Variants in IL1RAPL2 observed in about 807,000 individuals in gnomAD.
IL1RAPL2 encodes the protein interleukin 1 receptor accessory protein like 2.
Under a neutral mutation model 44.1 loss-of-function variants are expected in IL1RAPL2, and 3 were observed. The observed-to-expected ratio is 0.07, with a 90% CI of 0.03 to 0.18. The LOEUF (loss-of-function observed/expected upper bound fraction) is 0.18. Among genes scored for constraint, IL1RAPL2 ranks in the 10% least tolerant of loss-of-function variants. The pLI is 1.00. For synonymous variants in IL1RAPL2, 181 were observed against 178.8 expected (o/e 1.01, Z -0.10); for missense variants, 391 against 496.4 (o/e 0.79, Z 2.02).
intron 5 of IL1RAPL2, chrX:105,405,769 A>T: frequency 9.6e-7 from 1 of 1,042,531 alleles, no homozygotes; most frequent in East Asian, 3.0e-5. Flanking sequence ...CATTCAAGAA[A>T]TATTTATCAA....
rs186820157 is a variant in IL1RAPL2, at chrX:105,073,622, C to T, written c.83-121853C>T. ...CTAGATCCCTGAGGAATCACCACAC[C>T]GACTTCCACAATGGTTGAACTAGTT... On this transcript the variant is annotated intron_variant, in intron 2 of 10. Coordinates refer to ENST00000372582, the MANE Select transcript of IL1RAPL2 (RefSeq NM_017416.2). 4.0e-3 allele frequency among the ~76,000 whole-genome samples: 447 copies of T among 111,202 alleles called. 9 individuals are homozygous for T. The East Asian group carries it at 0.062, about 15-fold the overall frequency.
At chrX:104,605,915 T>C (rs1343049023) in intron 1 of IL1RAPL2, among the ~76,000 whole-genome samples, 1 of 111,900 alleles carries the variant, frequency 8.9e-6, no homozygotes, top group Non-Finnish European at 1.9e-5. Context: ...TACCATTCCT[T>C]CTGAAACTAT....
chrX:105,262,629 A>G (rs188884996), intron 4 of IL1RAPL2, among the ~76,000 whole-genome samples: 1 of 111,307 alleles, frequency 9.0e-6, no homozygotes, highest in African/African-American at 3.3e-5. Flanking sequence ...AAAACATACT[A>G]CTTGGAATTC....
chrX:104,876,026 A>G (rs764172542), intron 2 of IL1RAPL2, among the ~76,000 whole-genome samples: 1 of 111,136 alleles, frequency 9.0e-6, no homozygotes, highest in South Asian at 3.8e-4. Context: ...TAACAGTGCA[A>G]GTTGGCTCGC....
At chrX:104,674,738 T>C (rs1313892455) in intron 2 of IL1RAPL2, among the ~76,000 whole-genome samples, 3 of 110,201 alleles carry the variant, frequency 2.7e-5, no homozygotes, top group Non-Finnish European at 1.9e-5. Flanking sequence ...GGACTCTTTT[T>C]GGTTGGTAAG....
chrX:104,598,054 G>A (rs1414301492), intron 1 of IL1RAPL2, among the ~76,000 whole-genome samples: 1 of 111,912 alleles, frequency 8.9e-6, no homozygotes, highest in African/African-American at 3.2e-5. Context: ...TTCTAATTTT[G>A]ATGAAATGTC....
intron 2 of IL1RAPL2, among the ~76,000 whole-genome samples, chrX:105,046,219 T>C (rs1040340719): frequency 9.0e-6 from 1 of 111,674 alleles, no homozygotes; most frequent in Non-Finnish European, 1.9e-5. Flanking sequence ...GACATCCACA[T>C]ATATGCTAAT....
chrX:104,626,311 TGC>T lies in IL1RAPL2; in HGVS notation c.-19-32582_-19-32581del, dbSNP rs1491200726. ...TGACTGTCTCATGCGTGTGTGTGTG[TGC>T]GTGTGTGTGTGTGTGTGTTTGTGCG... On this transcript the variant is annotated intron_variant, in intron 1 of 10. Transcript: ENST00000372582. Among the ~76,000 whole-genome samples the T allele has an allele frequency of 4.9e-3, 500 of 102,313 alleles. 3 individuals are homozygous for T. The highest frequency in any genetic ancestry group is 0.011 in the African/African-American group (292 of 26,879). The allele number at this position is 102,313 out of a possible 115,157, so 88.8% of individuals were successfully genotyped here.
intron 6 of IL1RAPL2, among the ~76,000 whole-genome samples, chrX:105,598,743 C>T (rs2037229865): frequency 8.9e-6 from 1 of 111,926 alleles, no homozygotes; most frequent in Admixed American, 9.4e-5. Flanking sequence ...ATGTAACCTC[C>T]TCCACAAAAT....
At chrX:105,067,842 C>T (rs1204762822) in intron 2 of IL1RAPL2, among the ~76,000 whole-genome samples, 1 of 112,046 alleles carries the variant, frequency 8.9e-6, no homozygotes, top group Non-Finnish European at 1.9e-5. Flanking sequence ...CATGAATACA[C>T]ATACAGAGAC....
intron 5 of IL1RAPL2, among the ~76,000 whole-genome samples, chrX:105,318,139 A>T (rs955717223): frequency 1.8e-5 from 2 of 109,802 alleles, no homozygotes; most frequent in African/African-American, 3.3e-5. Flanking sequence ...CGCCTGGCTA[A>T]TTTTTTCTAT....
intron 2 of IL1RAPL2, among the ~76,000 whole-genome samples, chrX:105,036,845 C>T (rs181743044): frequency 8.9e-6 from 1 of 111,770 alleles, no homozygotes; most frequent in East Asian, 2.8e-4. Context: ...TAATAATATA[C>T]AATACAAAGG....
intron 8 of IL1RAPL2, among the ~76,000 whole-genome samples, chrX:105,743,097 C>G (rs1202758256): frequency 1.8e-5 from 2 of 111,712 alleles, no homozygotes; most frequent in African/African-American, 3.3e-5. Context: ...CACCAATTAC[C>G]TGGATCATGG....
chrX:104,692,850 G>T (rs1047262115), intron 2 of IL1RAPL2, among the ~76,000 whole-genome samples: 8 of 111,504 alleles, frequency 7.2e-5, no homozygotes, highest in African/African-American at 2.6e-4. Context: ...AATCCTTTGG[G>T]TATATACCCA....
At chrX:104,883,195 T>C (rs1292379617) in intron 2 of IL1RAPL2, among the ~76,000 whole-genome samples, 1 of 111,548 alleles carries the variant, frequency 9.0e-6, no homozygotes, top group Non-Finnish European at 1.9e-5. Context: ...TGAGTACCAT[T>C]GGACCCCTTT....
At chrX:105,031,977 T>G (rs2031509061) in intron 2 of IL1RAPL2, among the ~76,000 whole-genome samples, 3 of 111,595 alleles carry the variant, frequency 2.7e-5, no homozygotes, top group Non-Finnish European at 5.6e-5. Context: ...GTCGAGGAAT[T>G]TATCCATTTC....
rs1032787664 is a variant in IL1RAPL2, at chrX:105,549,764, C to G, written c.772+65377C>G. ...AGGATGCCAAATTTCTTCACAGTAT[C>G]TACTCCACAGAACCTAACCTGCAAC... On this transcript the variant is annotated intron_variant, in intron 6 of 10. Coordinates refer to ENST00000372582, the MANE Select transcript of IL1RAPL2 (RefSeq NM_017416.2). Among the ~76,000 whole-genome samples, 31 of 111,520 alleles carry G rather than the reference C, an allele frequency of 2.8e-4. 1 individual carries two copies. Among genetic ancestry groups the G allele is most frequent in the African/African-American group, 1.0e-3 (31 of 30,627 alleles).
chrX:105,505,838 T>G (rs758499399), intron 6 of IL1RAPL2, among the ~76,000 whole-genome samples: 1 of 111,938 alleles, frequency 8.9e-6, no homozygotes, highest in Non-Finnish European at 1.9e-5. Context: ...CTATATACCT[T>G]TTCACCCAAC....
At chrX:105,211,730 G>A (rs1364393172) in intron 3 of IL1RAPL2, among the ~76,000 whole-genome samples, 1 of 111,252 alleles carries the variant, frequency 9.0e-6, no homozygotes, top group African/African-American at 3.3e-5. Flanking sequence ...AGCTCCCAGC[G>A]AGAACAATGA....
Sources: gnomAD v4.1 joint callset for allele counts (sites outside exome capture counted in the v4.1 genomes callset) on GRCh38, gnomAD v4.1.1 for gene constraint, MANE v1.5 for transcripts, NCBI Gene and HGNC (gene_info 2026-07-23, HGNC 2026-07-21) for gene names.